The following ORMDL1 variants were observed in gnomAD, a reference collection of about 807,000 sequenced individuals.
ORMDL1 encodes ORMDL sphingolipid biosynthesis regulator 1, also known as ORM1-like protein 1.
A neutral mutation model predicts 13.0 loss-of-function variants in ORMDL1; 10 were observed. The observed-to-expected ratio is 0.77, with a 90% CI of 0.47 to 1.30. ORMDL1 has a LOEUF of 1.30. Among genes scored for constraint, ORMDL1 ranks in the 50% most tolerant of loss-of-function variants. The probability of loss-of-function intolerance (pLI) is 0.00; values close to 1 mark genes in which losing one functional copy is unlikely to be tolerated. For missense variants in ORMDL1, 171 were observed against 186.7 expected (o/e 0.92, Z 0.49); for synonymous variants, 61 against 63.9 (o/e 0.95, Z 0.22).
the ORMDL1 span, chr2:189,764,805 A>G: frequency 8.6e-5 from 13 of 151,926 alleles, no homozygotes; most frequent in Non-Finnish European, 1.8e-4. Context: ...TTTTATTATT[A>G]ATACATATTA....
chr2:189,776,458 T>C (rs12619808), intron 3 of ORMDL1, among the ~76,000 whole-genome samples: 35,845 of 151,982 alleles, frequency 0.24, 4,552 homozygotes, highest in African/African-American at 0.32. Context: ...GAGATTATGA[T>C]ACCCATTTAG....
At chr2:189,765,839 A>ATTTTTTTTTTTTTTTTTTTTTTTT (rs72132150), downstream of ORMDL1, among the ~76,000 whole-genome samples, 3 of 106,750 alleles carry the variant, frequency 2.8e-5, no homozygotes, top group Non-Finnish European at 5.4e-5. Context: ...TACTTTCTCC[A>ATTTTTTTTTTTTTTTTTTTTTTTT]TTTTTTTTTT....
chr2:189,782,343 C>G, intron 3 of ORMDL1, 79 bp downstream of exon 3: 1 of 1,316,740 alleles, frequency 7.6e-7, no homozygotes, highest in Non-Finnish European at 1.0e-6. Context: ...CAATAACTTT[C>G]CATTCCTTCC....
At chr2:189,779,628 A>G (rs2047778735) in intron 3 of ORMDL1, among the ~76,000 whole-genome samples, 1 of 152,218 alleles carries the variant, frequency 6.6e-6, no homozygotes, top group Admixed American at 6.5e-5. Flanking sequence ...CATGACTGCA[A>G]TGGATGATCA....
chr2:189,773,281 G>A (rs532982303), intron 4 of ORMDL1, among the ~76,000 whole-genome samples: 1 of 152,258 alleles, frequency 6.6e-6, no homozygotes, highest in Admixed American at 6.5e-5. Flanking sequence ...CAAAACCCAG[G>A]TGGGACTCAG....
chr2:189,768,808 G>T (rs1017838241), downstream of ORMDL1, among the ~76,000 whole-genome samples: 1 of 152,086 alleles, frequency 6.6e-6, no homozygotes, highest in African/African-American at 2.4e-5. Context: ...TAATAAACTG[G>T]AACTTAGAGC....
intron 2 of ORMDL1, 182 bp downstream of exon 2, chr2:189,782,832 G>T: frequency 2.5e-6 from 1 of 402,260 alleles, no homozygotes; most frequent in Non-Finnish European, 4.4e-6. Flanking sequence ...GGTTCTATTT[G>T]AAAAAATAGT....
chr2:189,772,725 T>C (rs2047605906), intron 4 of ORMDL1, among the ~76,000 whole-genome samples: 1 of 152,250 alleles, frequency 6.6e-6, no homozygotes, highest in Non-Finnish European at 1.5e-5. Context: ...AGTTAGTTTC[T>C]ATTTAGGTCT....
chr2:189,763,943 C>A, the ORMDL1 span: 1 of 152,092 alleles, frequency 6.6e-6, no homozygotes, highest in African/African-American at 2.4e-5. Flanking sequence ...GCACTATGTA[C>A]CAGGCACCTG....
At chr2:189,780,479 T>G (rs1339870167) in intron 3 of ORMDL1, among the ~76,000 whole-genome samples, 1 of 131,142 alleles carries the variant, frequency 7.6e-6, no homozygotes, top group African/African-American at 2.9e-5. Flanking sequence ...TATACTTGTT[T>G]GGTTTAAGGT....
At chr2:189,782,382 T>C (rs10168387) in intron 3 of ORMDL1, 40 bp downstream of exon 3, 1,541,979 of 1,547,158 alleles carry the variant, frequency 1, 768,528 homozygotes, top group East Asian at 1. Context: ...ACCACTAAAC[T>C]TAAAACTTTT....
At chr2:189,776,880 A>G (rs6706168) in intron 3 of ORMDL1, among the ~76,000 whole-genome samples, 149,304 of 152,118 alleles carry the variant, frequency 0.98, 73,333 homozygotes, top group East Asian at 1. Flanking sequence ...GAAAAATTCA[A>G]TCCTCCAAGA....
intron 3 of ORMDL1, 113 bp from the exon 4 acceptor site, chr2:189,775,829 T>C (rs2047684003): frequency 2.9e-6 from 3 of 1,032,182 alleles, no homozygotes; most frequent in Admixed American, 3.3e-5. Context: ...TTTAACTGAG[T>C]TCGTTTTAAG....
At chr2:189,775,780 G>C in intron 3 of ORMDL1, 64 bp from the exon 4 acceptor site, 1 of 1,489,682 alleles carries the variant, frequency 6.7e-7, no homozygotes, top group Non-Finnish European at 9.1e-7. Flanking sequence ...TTTGTCAGTA[G>C]CATTAACGAG....
rs1176640649 is a variant in ORMDL1 at position 189,784,338 on chromosome 2, C to T, written c.-187G>A. The T allele has an allele frequency of 6.6e-6, 1 of 152,358 alleles. No homozygotes were observed. Among genetic ancestry groups the T allele is most frequent in the Non-Finnish European group, 1.5e-5 (1 of 68,130 alleles). The allele number at this position is 152,358 out of a possible 1,614,324, so 9.4% of individuals were successfully genotyped here. A position where few individuals can be genotyped will look rare whatever the true frequency, so the allele number is the denominator to read the frequency against. ...GGCTGCTACGGCCGCGGATACACGCCCTCAGGCCCGGCGCTGCGCAGCTTG... is the reference window on the plus strand; with the variant it reads ...GGCTGCTACGGCCGCGGATACACGCTCTCAGGCCCGGCGCTGCGCAGCTTG... On this transcript the variant is annotated 5_prime_UTR_variant, in exon 1 of 5. Coordinates refer to ENST00000392349, the MANE Select transcript of ORMDL1 (RefSeq NM_016467.5).
intron 4 of ORMDL1, among the ~76,000 whole-genome samples, chr2:189,773,349 G>A (rs1158898095): frequency 6.6e-6 from 1 of 152,192 alleles, no homozygotes; most frequent in Non-Finnish European, 1.5e-5. Flanking sequence ...TTACAAGATA[G>A]TAGTTTAGGG....
rs1291308128 is a variant in ORMDL1, at chr2:189,783,005, A to G, written c.-8+9T>C. 1.2e-5 allele frequency: 2 copies of G among 165,352 alleles called. No individual in the cohort carries two copies. The highest frequency in any genetic ancestry group is 3.3e-4 in the East Asian group (2 of 5,988). The allele number at this position is 165,352 out of a possible 1,614,324, so 10.2% of individuals were successfully genotyped here. The stretch of plus-strand genomic sequence containing the variant: ...TAAATTTATATTAAAAAGAAAAAGC[A>G]GAACTCACCGAGCCAGTGTGTCAAG... On this transcript the variant is annotated intron_variant, in intron 2 of 4. Coordinates refer to ENST00000392349, the MANE Select transcript of ORMDL1 (RefSeq NM_016467.5).
At chr2:189,774,917 G>C (rs767603515) in intron 4 of ORMDL1, 1 of 152,102 alleles carries the variant, frequency 6.6e-6, no homozygotes. Flanking sequence ...ACTATTTTCT[G>C]GAAGGCCCAG....
intron 3 of ORMDL1, among the ~76,000 whole-genome samples, chr2:189,780,875 C>G (rs1012868443): frequency 6.6e-6 from 1 of 152,172 alleles, no homozygotes; most frequent in Non-Finnish European, 1.5e-5. Context: ...TCTTATCCTC[C>G]TCCAGTCAAC....
Sources: allele counts gnomAD v4.1 joint callset (sites outside exome capture counted in the v4.1 genomes callset), GRCh38; gene constraint gnomAD v4.1.1; transcripts MANE v1.5; gene names NCBI Gene and HGNC (gene_info 2026-07-23, HGNC 2026-07-21).